NPIPB13: variants seen among roughly 807,000 people sequenced by gnomAD.
NPIPB13 encodes nuclear pore complex interacting protein family, member B13.
rs1396867431 is a variant in NPIPB13, at chr16:30,224,068, C to A, written c.2378G>T (p.Arg793Met). Residue 793 changes from arginine (R) to methionine (M), a missense_variant, in exon 8 of 8, where the codon AGG (arginine) becomes ATG (methionine). Coordinates refer to ENST00000520915, the Ensembl canonical transcript of NPIPB13. Reference sequence around the variant, plus strand: ...ATCATCCGCTGAGGGTGGAAGCGGCCTCCGCAGACGCTCGGCAGGTGTCTT... The same window carrying A: ...ATCATCCGCTGAGGGTGGAAGCGGCATCCGCAGACGCTCGGCAGGTGTCTT... 0.012 allele frequency: 87 copies of A among 7,182 alleles called. 1 individual carries two copies. The East Asian group carries it at 0.3, about 25-fold the overall frequency. 0.4% of individuals were successfully genotyped at this position (7,182 alleles called of 1,614,324 possible).
At chr16:30,246,409 G>A (rs565000062), upstream of NPIPB13, among the ~76,000 whole-genome samples, 3 of 151,786 alleles carry the variant, frequency 2.0e-5, no homozygotes, top group South Asian at 6.2e-4. Flanking sequence ...ATAGGTCCAA[G>A]ACTGGGTAGT....
intron 2 of NPIPB13, among the ~76,000 whole-genome samples, chr16:30,237,434 G>A (rs1345423927): frequency 1.9e-4 from 2 of 10,404 alleles, no homozygotes; most frequent in Non-Finnish European, 5.2e-4. Context: ...GCAGTGAGCC[G>A]AGATCGCACC....
intron 3 of NPIPB13, among the ~76,000 whole-genome samples, chr16:30,232,456 C>G (rs1180522492): frequency 8.9e-5 from 13 of 146,384 alleles, no homozygotes; most frequent in African/African-American, 3.0e-4. Context: ...AAAATTGAAA[C>G]TCTTGTCTCA....
intron 2 of NPIPB13, among the ~76,000 whole-genome samples, chr16:30,244,514 TGTG>T (rs1410378313): frequency 8.6e-6 from 1 of 116,848 alleles, no homozygotes; most frequent in Non-Finnish European, 1.8e-5. Context: ...TGTGTGTGTG[TGTG>T]TGTGTGTGTG....
At chr16:30,232,465 C>CA (rs141086998) in intron 3 of NPIPB13, among the ~76,000 whole-genome samples, 292 of 115,082 alleles carry the variant, frequency 2.5e-3, no homozygotes, top group South Asian at 0.025. Context: ...ACTCTTGTCT[C>CA]AAAAAAAAAA....
intron 3 of NPIPB13, among the ~76,000 whole-genome samples, chr16:30,232,325 A>G (rs2073557003): frequency 1.4e-5 from 1 of 70,616 alleles, no homozygotes; most frequent in Non-Finnish European, 3.8e-5. Context: ...TTAGCCAGGC[A>G]TGGTGGTGCA....
intron 2 of NPIPB13, among the ~76,000 whole-genome samples, chr16:30,244,664 T>C (rs2073603514): frequency 2.1e-5 from 1 of 47,482 alleles, no homozygotes; most frequent in Admixed American, 3.1e-4. Context: ...AACAGAGCAT[T>C]CAAAACAAAT....
At chr16:30,246,293 TCTC>T (rs2073612769), upstream of NPIPB13, among the ~76,000 whole-genome samples, 1 of 146,070 alleles carries the variant, frequency 6.8e-6, no homozygotes, top group Non-Finnish European at 1.5e-5. Flanking sequence ...GCTGTGATGA[TCTC>T]CTTCCAAATC....
intron 5 of NPIPB13, among the ~76,000 whole-genome samples, chr16:30,229,036 G>GCCAT: frequency 1.3e-5 from 2 of 150,188 alleles, no homozygotes; most frequent in Admixed American, 1.3e-4. Context: ...ATTCAGGACT[G>GCCAT]GAACTCTTGT....
intron 3 of NPIPB13, among the ~76,000 whole-genome samples, chr16:30,232,425 T>C (rs1414918595): frequency 4.9e-4 from 70 of 142,876 alleles, no homozygotes; most frequent in Non-Finnish European, 9.6e-4. Flanking sequence ...GATTGTGCCA[T>C]TGCACTCCAA....
At chr16:30,232,453 A>G (rs1381062584) in intron 3 of NPIPB13, among the ~76,000 whole-genome samples, 1 of 147,374 alleles carries the variant, frequency 6.8e-6, no homozygotes, top group Non-Finnish European at 1.5e-5. Context: ...AACAAAATTG[A>G]AACTCTTGTC....
intron 2 of NPIPB13, among the ~76,000 whole-genome samples, chr16:30,244,483 A>ATGTGTGTGTGTGTGTG (rs71259255): frequency 1.1e-5 from 1 of 89,414 alleles, no homozygotes; most frequent in South Asian, 4.8e-4. Flanking sequence ...CAAAAAATAT[A>ATGTGTGTGTGTGTGTG]TGTGTGTGTG....
intron 3 of NPIPB13, among the ~76,000 whole-genome samples, chr16:30,232,878 G>A (rs2073562963): frequency 4.7e-5 from 1 of 21,112 alleles, no homozygotes; most frequent in Admixed American, 6.6e-4. Context: ...AGGTTAACAT[G>A]TTTCACAACT....
chr16:30,232,348 C>G (rs1304994425), intron 3 of NPIPB13, among the ~76,000 whole-genome samples: 8 of 87,246 alleles, frequency 9.2e-5, no homozygotes, highest in African/African-American at 2.7e-4. Flanking sequence ...CCTGTAATCC[C>G]AGCTAGTCGG....
At chr16:30,229,216 TCA>T (rs1380705713) in intron 5 of NPIPB13, among the ~76,000 whole-genome samples, 1 of 117,594 alleles carries the variant, frequency 8.5e-6, no homozygotes, top group Non-Finnish European at 1.9e-5. Flanking sequence ...AAGGTTCAGT[TCA>T]CAGAGATTGA....
chr16:30,232,170 C>T (rs2073555119), intron 3 of NPIPB13, among the ~76,000 whole-genome samples: 1 of 64,302 alleles, frequency 1.6e-5, no homozygotes, highest in African/African-American at 4.4e-5. Context: ...CACACACACA[C>T]AAGAATGACA....
chr16:30,232,551 AGGTCAAGAGAT>A (rs1393969892), intron 3 of NPIPB13, among the ~76,000 whole-genome samples: 73 of 92,370 alleles, frequency 7.9e-4, no homozygotes, highest in African/African-American at 2.2e-3. Context: ...GTGAATCACA[AGGTCAAGAGAT>A]GGAGACCATC....
intron 2 of NPIPB13, among the ~76,000 whole-genome samples, chr16:30,238,295 TA>T (rs1237054958): frequency 2.0e-4 from 22 of 109,850 alleles, no homozygotes; most frequent in African/African-American, 7.8e-4. Flanking sequence ...AATAAATAAA[TA>T]AATAAATAAA....
intron 2 of NPIPB13, among the ~76,000 whole-genome samples, chr16:30,244,853 AT>A (rs1259467913): frequency 2.1e-3 from 156 of 72,598 alleles, no homozygotes; most frequent in Admixed American, 2.4e-3. Flanking sequence ...TTGCAGGATA[AT>A]TTTTTTTTTT....
Sources: gnomAD v4.1 joint callset for allele counts (sites outside exome capture counted in the v4.1 genomes callset) on GRCh38, gnomAD v4.1.1 for gene constraint, MANE v1.5 for transcripts, NCBI Gene and HGNC (gene_info 2026-07-23, HGNC 2026-07-21) for gene names.